KLHL1: variants seen among roughly 807,000 people sequenced by gnomAD.
KLHL1 encodes kelch-like protein 1.
In KLHL1, 47 loss-of-function variants were observed where a neutral mutation model predicts 77.7. That is an observed-to-expected ratio of 0.60 (90% CI 0.48 to 0.77). KLHL1 has a LOEUF of 0.77. Among genes scored for constraint, KLHL1 ranks in the 30% least tolerant of loss-of-function variants. The pLI is 0.00. For synonymous variants in KLHL1, 360 were observed against 325.2 expected (o/e 1.11, Z -1.15); for missense variants, 925 against 910.8 (o/e 1.02, Z -0.20).
At chr13:69,979,874 A>C (rs61117808) in intron 1 of KLHL1, among the ~76,000 whole-genome samples, 23,158 of 152,180 alleles carry the variant, frequency 0.15, 3,749 homozygotes, top group African/African-American at 0.41. Context: ...TAGCTATACT[A>C]TTCTATTTCC....
intron 1 of KLHL1, among the ~76,000 whole-genome samples, chr13:70,035,365 G>C (rs1273469787): frequency 6.6e-6 from 1 of 152,054 alleles, no homozygotes; most frequent in African/African-American, 2.4e-5. Flanking sequence ...TCAATTGTTT[G>C]TGGGAGCTAA....
Position 70,084,622 on chromosome 13 carries a change from CTTT to C in KLHL1, c.497+22578_497+22580del, listed in dbSNP as rs71116988. 6.2e-3 allele frequency among the ~76,000 whole-genome samples: 92 copies of C among 14,938 alleles called. 3 individuals are homozygous for C. The highest frequency in any genetic ancestry group is 0.018 in the South Asian group (2 of 114). 9.8% of individuals were successfully genotyped at this position (14,938 alleles called of 152,430 possible). The stretch of plus-strand genomic sequence containing the variant: ...TACAGGCACCTGCCACCACGCCAGG[CTTT>C]TTTTTTTTTTTTTTTTTTTTTTTGA... On this transcript the variant is annotated intron_variant, in intron 1 of 10. Transcript: ENST00000377844.
intron 5 of KLHL1, among the ~76,000 whole-genome samples, chr13:69,864,200 T>C (rs2138159309): frequency 6.6e-6 from 1 of 151,986 alleles, no homozygotes; most frequent in South Asian, 2.1e-4. Context: ...ACTGGCATGG[T>C]CATAAAAAAG....
chr13:69,771,944 T>A (rs960526265), intron 7 of KLHL1, among the ~76,000 whole-genome samples: 3 of 151,778 alleles, frequency 2.0e-5, no homozygotes, highest in African/African-American at 7.3e-5. Flanking sequence ...ATAAATAGTA[T>A]AATAATAATA....
chr13:70,107,977 G>A lies in KLHL1; in HGVS notation c.-278C>T, dbSNP rs1888118216. On this transcript the variant is annotated 5_prime_UTR_variant, in exon 1 of 11. Transcript: ENST00000377844. ...AGGCAGGACTGGGACGCCAAAAGCT[G>A]AGAATCCTCGATGCCCGCGCGAGAG... is the stretch of plus-strand genomic sequence containing the variant. The A allele has an allele frequency of 2.3e-6, 1 of 444,100 alleles. No individual in the cohort carries two copies. Among genetic ancestry groups the A allele is most frequent in the African/African-American group, 2.0e-5 (1 of 49,574 alleles). 27.5% of individuals were successfully genotyped at this position (444,100 alleles called of 1,614,324 possible). A position where few individuals can be genotyped will look rare whatever the true frequency, so the allele number is the denominator to read the frequency against.
intron 4 of KLHL1, among the ~76,000 whole-genome samples, chr13:69,890,634 CCACA>C (rs898309801): frequency 1.3e-5 from 2 of 148,890 alleles, no homozygotes; most frequent in Non-Finnish European, 3.0e-5. Context: ...TATTTTTCTT[CCACA>C]CACACACGCA....
chr13:69,900,123 G>A (rs59988404), intron 4 of KLHL1, among the ~76,000 whole-genome samples: 1 of 152,076 alleles, frequency 6.6e-6, no homozygotes. Flanking sequence ...TTCTGGAATA[G>A]ATGAATACTC....
chr13:69,876,209 A>G (rs752009510), intron 5 of KLHL1, among the ~76,000 whole-genome samples: 2 of 152,048 alleles, frequency 1.3e-5, no homozygotes, highest in Non-Finnish European at 2.9e-5. Flanking sequence ...TGCTCTGTAT[A>G]TTTTCCACTG....
At chr13:70,050,981 G>C (rs1303645502) in intron 1 of KLHL1, among the ~76,000 whole-genome samples, 4 of 151,892 alleles carry the variant, frequency 2.6e-5, no homozygotes, top group Admixed American at 6.6e-5. Flanking sequence ...ATTTTAAAAA[G>C]AAATTAGCAT....
At chr13:69,854,905 AT>A (rs1879827627) in intron 5 of KLHL1, among the ~76,000 whole-genome samples, 1 of 151,996 alleles carries the variant, frequency 6.6e-6, no homozygotes, top group Non-Finnish European at 1.5e-5. Context: ...TCAAGTACCT[AT>A]TTTTGAAATG....
At chr13:69,901,781 CTTTTTCTTTTTTTCTTT>C (rs1881869247) in intron 4 of KLHL1, among the ~76,000 whole-genome samples, 1 of 104,078 alleles carries the variant, frequency 9.6e-6, no homozygotes, top group African/African-American at 3.2e-5. Context: ...CATTTTCTTT[CTTTTTCTTTTTTTCTTT>C]TTTTTTTTTT....
At position 69,973,091 on chromosome 13, in the gene KLHL1, G is replaced by C. The variant is rs184954286; in HGVS notation, c.680+2529C>G. On this transcript the variant is annotated intron_variant, in intron 2 of 10. Coordinates refer to ENST00000377844, the MANE Select transcript of KLHL1 (RefSeq NM_020866.3). ...CAGAATTTTGATTATTTTTCATGCA[G>C]AAATATATTAATGGGTTATCTGAAA... Among the ~76,000 whole-genome samples the C allele has an allele frequency of 2.3e-3, 343 of 151,946 alleles. 1 individual carries two copies. Among genetic ancestry groups the C allele is most frequent in the Middle Eastern group, 0.01 (3 of 294 alleles).
intron 7 of KLHL1, among the ~76,000 whole-genome samples, chr13:69,753,776 C>G (rs1037852355): frequency 2.0e-5 from 3 of 151,946 alleles, no homozygotes; most frequent in African/African-American, 7.3e-5. Flanking sequence ...CACAGGATTC[C>G]GTGTATACCA....
intron 1 of KLHL1, among the ~76,000 whole-genome samples, chr13:70,076,827 A>G (rs893591228): frequency 6.6e-6 from 1 of 152,032 alleles, no homozygotes; most frequent in South Asian, 2.1e-4. Context: ...AGTTAACAAA[A>G]GATTTGAACC....
intron 1 of KLHL1, among the ~76,000 whole-genome samples, chr13:70,020,820 C>CAT (rs1420496870): frequency 8.7e-6 from 1 of 114,548 alleles, no homozygotes; most frequent in Admixed American, 9.4e-5. Flanking sequence ...TACACATACA[C>CAT]ATATATATTC....
intron 5 of KLHL1, among the ~76,000 whole-genome samples, chr13:69,876,974 T>C (rs7324913): frequency 0.2 from 30,801 of 151,838 alleles, 4,461 homozygotes; most frequent in African/African-American, 0.42. Flanking sequence ...GAGGCAGAGG[T>C]TGCAGTGAGC....
At chr13:69,898,795 T>A (rs1488938439) in intron 4 of KLHL1, among the ~76,000 whole-genome samples, 1 of 152,102 alleles carries the variant, frequency 6.6e-6, no homozygotes, top group Admixed American at 6.6e-5. Flanking sequence ...CCTTGAGACA[T>A]TTTTTTCTAT....
At chr13:69,777,061 T>C (rs1300572065) in intron 7 of KLHL1, among the ~76,000 whole-genome samples, 2 of 151,978 alleles carry the variant, frequency 1.3e-5, no homozygotes, top group Non-Finnish European at 2.9e-5. Flanking sequence ...AATCATGGGG[T>C]GGGTATTTCC....
intron 7 of KLHL1, among the ~76,000 whole-genome samples, chr13:69,769,089 T>A (rs1048003266): frequency 6.6e-6 from 1 of 152,214 alleles, no homozygotes; most frequent in African/African-American, 2.4e-5. Context: ...TTATCTGTAC[T>A]ATAACATACC....
Sources: gnomAD v4.1 joint callset for allele counts (sites outside exome capture counted in the v4.1 genomes callset) on GRCh38, gnomAD v4.1.1 for gene constraint, MANE v1.5 for transcripts, NCBI Gene and HGNC (gene_info 2026-07-23, HGNC 2026-07-21) for gene names.